SPAG16: variants seen among roughly 807,000 people sequenced by gnomAD.
SPAG16 encodes the protein sperm associated antigen 16.
Under a neutral mutation model 80.4 loss-of-function variants are expected in SPAG16, and 86 were observed. That is an observed-to-expected ratio of 1.07 (90% confidence interval 0.90 to 1.28). SPAG16 has a LOEUF of 1.28. Among genes scored for constraint, SPAG16 ranks in the 50% most tolerant of loss-of-function variants. SPAG16 has a pLI of 0.00. For missense variants in SPAG16, 870 were observed against 765.3 expected (o/e 1.14, Z -1.61); for synonymous variants, 294 against 265.9 (o/e 1.11, Z -1.03).
intron 15 of SPAG16, among the ~76,000 whole-genome samples, chr2:214,307,802 T>G (rs1351767622): frequency 6.6e-6 from 1 of 152,162 alleles, no homozygotes. Context: ...TGAGGAGTGT[T>G]TTACTTCCAA....
chr2:213,606,557 A>G (rs2061267579), intron 10 of SPAG16, among the ~76,000 whole-genome samples: 1 of 152,262 alleles, frequency 6.6e-6, no homozygotes. Context: ...CTAATTACAA[A>G]TAATGTGGCA....
chr2:214,188,111 C>G (rs915140842), intron 15 of SPAG16, among the ~76,000 whole-genome samples: 3 of 152,114 alleles, frequency 2.0e-5, no homozygotes, highest in Non-Finnish European at 4.4e-5. Flanking sequence ...TGCATATCCA[C>G]TTCTCCCTGG....
chr2:213,531,615 A>C (rs966973716), intron 10 of SPAG16, among the ~76,000 whole-genome samples: 1 of 152,006 alleles, frequency 6.6e-6, no homozygotes, highest in African/African-American at 2.4e-5. Flanking sequence ...GCTTCTTTAG[A>C]GTTTTGCCAA....
chr2:214,407,224 G>T (rs1479606963), intron 15 of SPAG16, among the ~76,000 whole-genome samples: 2 of 151,904 alleles, frequency 1.3e-5, no homozygotes, highest in African/African-American at 4.8e-5. Flanking sequence ...TTTATGGAAT[G>T]TGTGTATTCA....
chr2:213,433,332 C>T (rs1248618925), intron 9 of SPAG16, among the ~76,000 whole-genome samples: 1 of 152,114 alleles, frequency 6.6e-6, no homozygotes, highest in Non-Finnish European at 1.5e-5. Context: ...CATTGATGAT[C>T]TTATACTTGA....
chr2:213,595,850 A>T lies in SPAG16; in HGVS notation c.1070+105760A>T, dbSNP rs533653520. On this transcript the variant is annotated intron_variant, in intron 10 of 15. Coordinates refer to ENST00000331683, the MANE Select transcript of SPAG16 (RefSeq NM_024532.5). ...AATTAGATAGCAGTTTTTTTATTAA[A>T]ATAGAGTATTTATTCTGCAAGTTAT... Among the ~76,000 whole-genome samples, 1,252 of 152,218 alleles carry T rather than the reference A, an allele frequency of 8.2e-3. 18 individuals carry two copies. Among genetic ancestry groups the T allele is most frequent in the African/African-American group, 0.029 (1,189 of 41,568 alleles).
intron 8 of SPAG16, among the ~76,000 whole-genome samples, chr2:213,367,092 C>G (rs1009438666): frequency 6.6e-6 from 1 of 152,154 alleles, no homozygotes; most frequent in Non-Finnish European, 1.5e-5. Flanking sequence ...CCAGTTTCAT[C>G]CATGTCCCTA....
intron 15 of SPAG16, among the ~76,000 whole-genome samples, chr2:214,189,518 T>C (rs1030065740): frequency 1.3e-5 from 2 of 152,118 alleles, no homozygotes. Flanking sequence ...CAAAGCTCTA[T>C]GTACCTGTGC....
intron 10 of SPAG16, among the ~76,000 whole-genome samples, chr2:213,566,880 G>C (rs1444895641): frequency 6.6e-6 from 1 of 152,120 alleles, no homozygotes; most frequent in African/African-American, 2.4e-5. Context: ...AATAGATTGT[G>C]ACACCAAATA....
intron 6 of SPAG16, among the ~76,000 whole-genome samples, chr2:213,344,083 C>G (rs1439581540): frequency 2.0e-5 from 3 of 152,042 alleles, no homozygotes; most frequent in Non-Finnish European, 4.4e-5. Flanking sequence ...TTTCTGTTCC[C>G]CTGTAGACTC....
chr2:214,198,210 G>A (rs1271163159), intron 15 of SPAG16, among the ~76,000 whole-genome samples: 3 of 151,836 alleles, frequency 2.0e-5, no homozygotes, highest in African/African-American at 7.3e-5. Context: ...AGTGTACCCT[G>A]GACCCTATAT....
chr2:214,310,772 A>AC (rs1428457212), intron 15 of SPAG16, among the ~76,000 whole-genome samples: 1 of 152,164 alleles, frequency 6.6e-6, no homozygotes, highest in Non-Finnish European at 1.5e-5. Context: ...CCACAATGCA[A>AC]CTTAGGTCTG....
chr2:214,288,450 G>A (rs111915982), intron 15 of SPAG16, among the ~76,000 whole-genome samples: 1 of 152,170 alleles, frequency 6.6e-6, no homozygotes, highest in African/African-American at 2.4e-5. Context: ...ACCCAGTAGT[G>A]GGATTGCTGA....
intron 15 of SPAG16, among the ~76,000 whole-genome samples, chr2:214,193,468 G>T (rs1460101396): frequency 6.8e-6 from 1 of 146,268 alleles, no homozygotes; most frequent in Admixed American, 6.9e-5. Flanking sequence ...AGAGAAGGGG[G>T]TAGAGCTCAA....
At chr2:213,718,149 C>CAAAAAAAAAAAAAAAAAAAAAAAAAA (rs71063769) in intron 10 of SPAG16, among the ~76,000 whole-genome samples, 3 of 92,232 alleles carry the variant, frequency 3.3e-5, no homozygotes, top group Admixed American at 1.3e-4. Context: ...AACAAGTTTA[C>CAAAAAAAAAAAAAAAAAAAAAAAAAA]AAAAAAAAAA....
In SPAG16 at chr2:213,284,636, G is replaced by T. The variant is rs773923506; in HGVS notation, c.136+17G>T. On this transcript the variant is annotated intron_variant, in intron 1 of 15. Coordinates refer to ENST00000331683, the MANE Select transcript of SPAG16 (RefSeq NM_024532.5). ...ACCTGGAACGTATCCTTCCCGTGGA[G>T]GCGCGGCCCGCTGCGCTGGCGGGTA... The T allele has an allele frequency of 6.2e-7, 1 of 1,601,134 alleles. No individual in the cohort carries two copies. The highest frequency in any genetic ancestry group is 2.2e-5 in the East Asian group (1 of 44,610).
At chr2:214,322,466 C>G (rs1285043616) in intron 15 of SPAG16, among the ~76,000 whole-genome samples, 1 of 145,248 alleles carries the variant, frequency 6.9e-6, no homozygotes, top group Non-Finnish European at 1.5e-5. Flanking sequence ...TAGAGAATAC[C>G]AAATCTATTT....
chr2:213,435,192 T>C (rs2070551665), intron 9 of SPAG16, among the ~76,000 whole-genome samples: 1 of 152,240 alleles, frequency 6.6e-6, no homozygotes, highest in African/African-American at 2.4e-5. Flanking sequence ...TATGTAATAC[T>C]GTATACTTAT....
At chr2:213,378,056 T>C (rs1180003554) in intron 9 of SPAG16, among the ~76,000 whole-genome samples, 1 of 151,944 alleles carries the variant, frequency 6.6e-6, no homozygotes, top group African/African-American at 2.4e-5. Flanking sequence ...ACTGAAGAAC[T>C]TGGAGTCTGA....
Sources: gnomAD v4.1 joint callset for allele counts (sites outside exome capture counted in the v4.1 genomes callset) on GRCh38, gnomAD v4.1.1 for gene constraint, MANE v1.5 for transcripts, NCBI Gene and HGNC (gene_info 2026-07-23, HGNC 2026-07-21) for gene names.